Variants in VANGL1 observed in about 807,000 individuals in gnomAD.
The protein encoded by VANGL1 is vang-like protein 1.
In VANGL1, 18 loss-of-function variants were observed where a neutral mutation model predicts 48.4. The ratio of observed to expected loss-of-function variants is 0.37; its 90% CI spans 0.26 to 0.55. The LOEUF is 0.55. Among genes scored for constraint, VANGL1 ranks in the 20% least tolerant of loss-of-function variants. VANGL1 has a pLI of 0.81. For synonymous variants in VANGL1, 257 were observed against 261.8 expected (o/e 0.98, Z 0.18); for missense variants, 667 against 675.8 (o/e 0.99, Z 0.14).
intron 3 of VANGL1, among the ~76,000 whole-genome samples, chr1:115,663,243 C>CA (rs2101004260): frequency 6.6e-6 from 1 of 152,262 alleles, no homozygotes; most frequent in African/African-American, 2.4e-5. Context: ...CTTTATAACC[C>CA]AGCGTGAATT....
At chr1:115,656,051 G>T (rs1652342364) in intron 2 of VANGL1, among the ~76,000 whole-genome samples, 2 of 152,144 alleles carry the variant, frequency 1.3e-5, no homozygotes, top group South Asian at 2.1e-4. Context: ...GGCAGGTCCT[G>T]CTCCCTTGGT....
At chr1:115,656,305 T>C (rs1167872975) in intron 2 of VANGL1, among the ~76,000 whole-genome samples, 1 of 152,220 alleles carries the variant, frequency 6.6e-6, no homozygotes, top group Non-Finnish European at 1.5e-5. Context: ...GCCCCTGCTA[T>C]ATACAGGGCA....
intron 3 of VANGL1, 23 bp from the exon 4 acceptor site, chr1:115,663,638 C>T (rs764043840): frequency 6.2e-7 from 1 of 1,614,094 alleles, no homozygotes; most frequent in South Asian, 1.1e-5. Context: ...GTCATGTCAT[C>T]CTCACTGTCT....
At chr1:115,666,783 A>G (rs889055933) in intron 4 of VANGL1, among the ~76,000 whole-genome samples, 1 of 152,140 alleles carries the variant, frequency 6.6e-6, no homozygotes, top group African/African-American at 2.4e-5. Flanking sequence ...GGTGGAAAGA[A>G]TGGCTGGGGA....
At chr1:115,675,929 A>C (rs190782073) in intron 4 of VANGL1, among the ~76,000 whole-genome samples, 5 of 152,318 alleles carry the variant, frequency 3.3e-5, no homozygotes, top group Non-Finnish European at 5.9e-5. Flanking sequence ...TTTGAGGTTC[A>C]GTATAAATAG....
rs200039235 is a variant in VANGL1, at chr1:115,664,263, C to T, written c.807C>T (p.His269=). The change falls in exon 4 of 8, where the codon CAC becomes CAT. Residue 269 remains histidine, a synonymous_variant. Coordinates refer to ENST00000355485, the MANE Select transcript of VANGL1 (RefSeq NM_138959.3). Reference sequence around the variant, plus strand: ...AGTCCCGCTTCTACAGCCTGGGACACCTGAGGTAAGAGGCAACATCCAGGA... The same window carrying T: ...AGTCCCGCTTCTACAGCCTGGGACATCTGAGGTAAGAGGCAACATCCAGGA... The part of the protein sequence containing the change: ...DGESRFYSLG[H]LSIQRAALVV... 1.5e-4 allele frequency: 246 copies of T among 1,613,716 alleles called. 1 individual carries two copies. Among genetic ancestry groups the T allele is most frequent in the Non-Finnish European group, 2.3e-5 (27 of 1,179,960 alleles).
intron 1 of VANGL1, among the ~76,000 whole-genome samples, chr1:115,643,873 C>T (rs961392532): frequency 6.6e-6 from 1 of 152,202 alleles, no homozygotes. Flanking sequence ...ACTGTGCTTG[C>T]TACCCTAGGC....
intron 5 of VANGL1, among the ~76,000 whole-genome samples, chr1:115,683,541 C>G (rs531782194): frequency 2.0e-5 from 3 of 152,302 alleles, no homozygotes; most frequent in Non-Finnish European, 4.4e-5. Flanking sequence ...GTCTCCCCAT[C>G]CCTCTCATTC....
Position 115,651,773 on chromosome 1 carries a change from T to C in VANGL1, c.71+289T>C, listed in dbSNP as rs77988629. ...TTTCTAGGTATTTCTTTTTTTTTTTTTGAGACGGAGTCTCGTTCTGTCACC... is the reference window on the plus strand; with the variant it reads ...TTTCTAGGTATTTCTTTTTTTTTTTCTGAGACGGAGTCTCGTTCTGTCACC... On this transcript the variant is annotated intron_variant, in intron 2 of 7. Transcript: ENST00000355485. 4.6e-5 allele frequency among the ~76,000 whole-genome samples: 7 copies of C among 152,296 alleles called. No homozygotes were observed. In the South Asian group the frequency reaches 1.4e-3, roughly 32 times the overall value.
chr1:115,643,202 A>G (rs2101283784), intron 1 of VANGL1, among the ~76,000 whole-genome samples: 1 of 152,364 alleles, frequency 6.6e-6, no homozygotes. Flanking sequence ...ACTGTAAAAG[A>G]ATCTGGCATT....
intron 4 of VANGL1, among the ~76,000 whole-genome samples, chr1:115,674,393 A>T (rs1653091149): frequency 6.6e-6 from 1 of 152,174 alleles, no homozygotes; most frequent in South Asian, 2.1e-4. Context: ...AGTACTAGGG[A>T]CTTAGCAGGT....
At chr1:115,660,674 A>C (rs149156500) in intron 3 of VANGL1, among the ~76,000 whole-genome samples, 2 of 152,308 alleles carry the variant, frequency 1.3e-5, no homozygotes, top group African/African-American at 4.8e-5. Flanking sequence ...AAAGTGGTGT[A>C]TGATACACAG....
chr1:115,643,947 T>A (rs990694103), intron 1 of VANGL1, among the ~76,000 whole-genome samples: 2 of 152,204 alleles, frequency 1.3e-5, no homozygotes, highest in Non-Finnish European at 2.9e-5. Context: ...GGTCTCCACA[T>A]TGGGGCTGTG....
chr1:115,645,039 G>T (rs1378208099), intron 1 of VANGL1, among the ~76,000 whole-genome samples: 2 of 152,252 alleles, frequency 1.3e-5, no homozygotes, highest in South Asian at 2.1e-4. Context: ...ATGTTTGGTG[G>T]TTTATAGGCC....
intron 2 of VANGL1, among the ~76,000 whole-genome samples, chr1:115,657,607 CT>C (rs142036928): frequency 0.088 from 13,451 of 152,146 alleles, 1,920 homozygotes; most frequent in African/African-American, 0.3. Context: ...AAATTTTCTG[CT>C]TATTTGGCTG....
chr1:115,661,685 T>C (rs967269201), intron 3 of VANGL1, among the ~76,000 whole-genome samples: 2 of 152,076 alleles, frequency 1.3e-5, no homozygotes, highest in South Asian at 2.1e-4. Context: ...CGGCATGATA[T>C]CACCTCACTG....
intron 7 of VANGL1, among the ~76,000 whole-genome samples, chr1:115,687,942 A>G (rs73007467): frequency 0.1 from 6,977 of 67,710 alleles, 1,371 homozygotes; most frequent in African/African-American, 0.14. Context: ...CATTAGGTAG[A>G]TAGATAGATA....
intron 4 of VANGL1, among the ~76,000 whole-genome samples, chr1:115,664,918 T>C (rs1188042278): frequency 2.0e-5 from 3 of 152,252 alleles, no homozygotes; most frequent in African/African-American, 7.2e-5. Context: ...ATCATTTTAT[T>C]TGCTTCAAGG....
At chr1:115,654,982 C>T (rs188516936) in intron 2 of VANGL1, among the ~76,000 whole-genome samples, 118 of 152,262 alleles carry the variant, frequency 7.7e-4, no homozygotes, top group African/African-American at 2.6e-3. Flanking sequence ...AAGAGAAATG[C>T]TACTTTAGGA....
Sources: gnomAD v4.1 joint callset for allele counts (sites outside exome capture counted in the v4.1 genomes callset) on GRCh38, gnomAD v4.1.1 for gene constraint, MANE v1.5 for transcripts, NCBI Gene and HGNC (gene_info 2026-07-23, HGNC 2026-07-21) for gene names.